The following FAM107B variants were observed in gnomAD, a reference collection of about 807,000 sequenced individuals.
FAM107B encodes protein FAM107B.
Under a neutral mutation model 31.5 loss-of-function variants are expected in FAM107B, and 21 were observed. The observed-to-expected ratio is 0.67, with a 90% confidence interval of 0.47 to 0.96. FAM107B has a LOEUF of 0.96. Among genes scored for constraint, FAM107B ranks in the 40% least tolerant of loss-of-function variants. The pLI, the probability that FAM107B is intolerant of heterozygous loss-of-function variation, is 0.00. For missense variants in FAM107B, 452 were observed against 377.1 expected (o/e 1.20, Z -1.64); for synonymous variants, 157 against 141.5 (o/e 1.11, Z -0.78).
chr10:14,706,400 A>T (rs1855520899), intron 1 of FAM107B, among the ~76,000 whole-genome samples: 1 of 151,832 alleles, frequency 6.6e-6, no homozygotes, highest in Non-Finnish European at 1.5e-5. Context: ...GCTAATTTTA[A>T]ATTTTTTTGT....
intron 2 of FAM107B, among the ~76,000 whole-genome samples, chr10:14,622,261 T>C (rs1370173230): frequency 1.3e-5 from 2 of 151,258 alleles, no homozygotes; most frequent in South Asian, 2.1e-4. Flanking sequence ...GCAAACATAA[T>C]ACAATAAATG....
chr10:14,664,914 A>G (rs1854368384), intron 2 of FAM107B, among the ~76,000 whole-genome samples: 1 of 152,228 alleles, frequency 6.6e-6, no homozygotes, highest in Non-Finnish European at 1.5e-5. Flanking sequence ...ATGAACTACA[A>G]CTAGAAACAC....
chr10:14,605,237 G>A (rs1852558524), intron 2 of FAM107B, among the ~76,000 whole-genome samples: 1 of 152,182 alleles, frequency 6.6e-6, no homozygotes, highest in African/African-American at 2.4e-5. Context: ...GAAAGAAAGG[G>A]TTTATTCCGC....
intron 1 of FAM107B, among the ~76,000 whole-genome samples, chr10:14,710,431 TACACACAC>T (rs57418409): frequency 0.068 from 10,006 of 146,418 alleles, 1,139 homozygotes; most frequent in African/African-American, 0.23. Context: ...TCTCTAAAAA[TACACACAC>T]ACACACACAC....
intron 1 of FAM107B, among the ~76,000 whole-genome samples, chr10:14,702,832 G>T (rs375184550): frequency 2.0e-5 from 3 of 152,114 alleles, no homozygotes; most frequent in East Asian, 1.9e-4. Flanking sequence ...ACTGGAAGAG[G>T]CTTCTCCCCT....
intron 1 of FAM107B, among the ~76,000 whole-genome samples, chr10:14,673,715 T>A (rs1854612790): frequency 6.6e-6 from 1 of 152,202 alleles, no homozygotes; most frequent in African/African-American, 2.4e-5. Flanking sequence ...AACTTCATAC[T>A]GTTTTTCATA....
At chr10:14,574,005 G>C (rs940283052) in intron 2 of FAM107B, among the ~76,000 whole-genome samples, 1 of 151,710 alleles carries the variant, frequency 6.6e-6, no homozygotes, top group African/African-American at 2.4e-5. Context: ...ATATTTTGGT[G>C]CTCTCAACAT....
intron 1 of FAM107B, among the ~76,000 whole-genome samples, chr10:14,765,109 CT>C (rs1368331136): frequency 1.3e-5 from 2 of 152,212 alleles, no homozygotes; most frequent in African/African-American, 2.4e-5. Flanking sequence ...CCCTTTGACT[CT>C]CTCTCCCCCA....
intron 2 of FAM107B, among the ~76,000 whole-genome samples, chr10:14,562,245 T>G (rs991107697): frequency 6.6e-6 from 1 of 152,254 alleles, no homozygotes; most frequent in Non-Finnish European, 1.5e-5. Flanking sequence ...TCTTTTAATC[T>G]AAAACAATAT....
intron 1 of FAM107B, among the ~76,000 whole-genome samples, chr10:14,746,936 C>T (rs75919531): frequency 2.0e-5 from 3 of 152,266 alleles, no homozygotes; most frequent in East Asian, 1.9e-4. Flanking sequence ...CCCAGTCAGT[C>T]GTAGGTTTGG....
chr10:14,698,838 A>C (rs1855328116), intron 1 of FAM107B, among the ~76,000 whole-genome samples: 1 of 152,218 alleles, frequency 6.6e-6, no homozygotes, highest in Non-Finnish European at 1.5e-5. Flanking sequence ...TGCAAAAGCA[A>C]TTGCAGTATT....
At chr10:14,546,991 A>G (rs991227402) in intron 2 of FAM107B, among the ~76,000 whole-genome samples, 11 of 152,206 alleles carry the variant, frequency 7.2e-5, no homozygotes, top group African/African-American at 2.4e-4. Context: ...CCTAGATAAA[A>G]GTTGTTGGAT....
intron 2 of FAM107B, among the ~76,000 whole-genome samples, chr10:14,649,199 G>A (rs1272666006): frequency 6.6e-6 from 1 of 152,178 alleles, no homozygotes; most frequent in Non-Finnish European, 1.5e-5. Flanking sequence ...GAGACCATAA[G>A]ACTGACAAAA....
chr10:14,636,146 T>G (rs1853493005), intron 2 of FAM107B, among the ~76,000 whole-genome samples: 1 of 152,078 alleles, frequency 6.6e-6, no homozygotes, highest in Admixed American at 6.6e-5. Flanking sequence ...CAGGATTGGC[T>G]ACCTTCACCA....
At chr10:14,763,743 C>T (rs929421751) in intron 1 of FAM107B, among the ~76,000 whole-genome samples, 1 of 152,200 alleles carries the variant, frequency 6.6e-6, no homozygotes, top group Non-Finnish European at 1.5e-5. Context: ...TGTTCCCTTA[C>T]TGTCTCAAGT....
At chr10:14,667,797 T>C (rs1156809648) in intron 1 of FAM107B, 106 bp from the exon 2 acceptor site, 4 of 1,168,538 alleles carry the variant, frequency 3.4e-6, no homozygotes, top group African/African-American at 1.5e-5. Flanking sequence ...AGATCAAGAC[T>C]TGAAAAACTT....
chr10:14,744,139 G>A (rs755957195), intron 1 of FAM107B, among the ~76,000 whole-genome samples: 1 of 152,060 alleles, frequency 6.6e-6, no homozygotes, highest in East Asian at 1.9e-4. Context: ...TCATGATTTG[G>A]CTCTCTGCTT....
chr10:14,668,033 T>G (rs1362430333), intron 1 of FAM107B, among the ~76,000 whole-genome samples: 1 of 151,316 alleles, frequency 6.6e-6, no homozygotes, highest in African/African-American at 2.5e-5. Flanking sequence ...GACGGGGTTT[T>G]TTTTGTTTTT....
At chr10:14,571,796 C>T in intron 2 of FAM107B, 1 of 985,398 alleles carries the variant, frequency 1.0e-6, no homozygotes, top group Non-Finnish European at 1.2e-6. Flanking sequence ...ATGTTTTAAT[C>T]ATGGGCATTC....
Sources: gnomAD v4.1 joint callset for allele counts (sites outside exome capture counted in the v4.1 genomes callset) on GRCh38, gnomAD v4.1.1 for gene constraint, MANE v1.5 for transcripts, NCBI Gene and HGNC (gene_info 2026-07-23, HGNC 2026-07-21) for gene names.